The following CSMD1 variants were observed in gnomAD, a reference collection of about 807,000 sequenced individuals.
The protein encoded by CSMD1 is CUB and sushi domain-containing protein 1.
A neutral mutation model predicts 417.5 loss-of-function variants in CSMD1; 213 were observed. That is an observed-to-expected ratio of 0.51 (90% CI 0.46 to 0.57). CSMD1 has a LOEUF of 0.57. Ranked by LOEUF, CSMD1 falls within the 20% of genes least tolerant of loss-of-function variation. The pLI, the probability that CSMD1 is intolerant of heterozygous loss-of-function variation, is 0.00. For synonymous variants in CSMD1, 2,862 were observed against 1,736.8 expected (o/e 1.65, Z -16.11); for missense variants, 6,923 against 4,529.7 (o/e 1.53, Z -15.17).
At chr8:3,976,140 T>C (rs892005540) in intron 5 of CSMD1, among the ~76,000 whole-genome samples, 4 of 152,130 alleles carry the variant, frequency 2.6e-5, no homozygotes, top group Non-Finnish European at 5.9e-5. Flanking sequence ...GTAGAAATTC[T>C]ACACCAAGAA....
chr8:3,014,421 G>T lies in CSMD1; in HGVS notation c.8029+4056C>A, dbSNP rs187986088. ...GCTAGCTTCTTTTCCTGCTTTTCCT[G>T]TTGTGAGAACAATCACACTGGATAT... On this transcript the variant is annotated intron_variant, in intron 52 of 69. Transcript: ENST00000635120. 8.4e-3 allele frequency among the ~76,000 whole-genome samples: 1,271 copies of T among 152,064 alleles called. 12 individuals are homozygous for T. Among genetic ancestry groups the T allele is most frequent in the South Asian group, 0.016 (77 of 4,820 alleles).
chr8:4,450,289 T>A (rs543954809), intron 2 of CSMD1, among the ~76,000 whole-genome samples: 1 of 152,332 alleles, frequency 6.6e-6, no homozygotes, highest in South Asian at 2.1e-4. Flanking sequence ...GAGAAAGCTG[T>A]GCACTGTTTG....
At position 3,439,309 on chromosome 8, in the gene CSMD1, A is replaced by ATATATATATTTT; in HGVS notation, c.1561+29402_1561+29403insAAAATATATATA. On this transcript the variant is annotated intron_variant, in intron 12 of 69. Coordinates refer to ENST00000635120, the MANE Select transcript of CSMD1 (RefSeq NM_033225.6). Reference sequence around the variant, plus strand: ...TATATATATATATATATATATATATATTTTTTTTTTTAATATGTATTTTTA... The same window carrying ATATATATATTTT: ...TATATATATATATATATATATATATATATATATATTTTTTTTTTTTTTTAATATGTATTTTTA... Among the ~76,000 whole-genome samples, 158 of 62,386 alleles carry ATATATATATTTT rather than the reference A, an allele frequency of 2.5e-3. 3 individuals are homozygous for ATATATATATTTT. The highest frequency in any genetic ancestry group is 4.6e-3 in the South Asian group (6 of 1,318). 40.9% of individuals were successfully genotyped at this position (62,386 alleles called of 152,430 possible).
chr8:4,863,474 CA>C (rs773336170), intron 1 of CSMD1, among the ~76,000 whole-genome samples: 19 of 152,070 alleles, frequency 1.2e-4, no homozygotes, highest in Non-Finnish European at 2.5e-4. Context: ...AAATTTTATA[CA>C]TATTCTAGTA....
intron 21 of CSMD1, among the ~76,000 whole-genome samples, chr8:3,357,389 T>A (rs1216466148): frequency 6.6e-6 from 1 of 152,204 alleles, no homozygotes; most frequent in African/African-American, 2.4e-5. Context: ...ATCACAGCAT[T>A]TACTTCGTAG....
chr8:3,537,182 T>G (rs1798238864), intron 10 of CSMD1, among the ~76,000 whole-genome samples: 1 of 152,022 alleles, frequency 6.6e-6, no homozygotes, highest in Non-Finnish European at 1.5e-5. Context: ...TTGTTGTATT[T>G]TAAGAGACAG....
chr8:4,307,306 A>G (rs1798302957), intron 3 of CSMD1, among the ~76,000 whole-genome samples: 1 of 152,152 alleles, frequency 6.6e-6, no homozygotes, highest in South Asian at 2.1e-4. Context: ...ATCCCCTAGC[A>G]CAGGCATCAC....
chr8:4,442,308 G>A (rs1248279146), intron 2 of CSMD1, among the ~76,000 whole-genome samples: 1 of 152,036 alleles, frequency 6.6e-6, no homozygotes, highest in Non-Finnish European at 1.5e-5. Flanking sequence ...GAAAAGAAAT[G>A]AACACAAAGT....
At chr8:3,250,605 C>G (rs971169783) in intron 26 of CSMD1, among the ~76,000 whole-genome samples, 3 of 152,176 alleles carry the variant, frequency 2.0e-5, no homozygotes, top group Non-Finnish European at 4.4e-5. Flanking sequence ...AATGGTATTT[C>G]TAGTTCTAGG....
chr8:4,708,669 G>A lies in CSMD1; in HGVS notation c.86-71111C>T, dbSNP rs575776665. Among the ~76,000 whole-genome samples the A allele has an allele frequency of 4.6e-5, 7 of 150,896 alleles. No homozygotes were observed. In the East Asian group the frequency reaches 1.4e-3, roughly 30 times the overall value. On this transcript the variant is annotated intron_variant, in intron 1 of 69. Transcript: ENST00000635120. ...ATCATTATAGACACCATCCTAACCA[G>A]ATTCATTTTTTTTTTTAAGAGAAAG...
intron 1 of CSMD1, among the ~76,000 whole-genome samples, chr8:4,895,763 A>T (rs1804442550): frequency 6.6e-6 from 1 of 152,016 alleles, no homozygotes; most frequent in African/African-American, 2.4e-5. Flanking sequence ...CAAAGATATT[A>T]AACTTTACCA....
rs540126049 is a variant in CSMD1 at position 4,266,701 on chromosome 8, G to T, written c.415+153252C>A. On this transcript the variant is annotated intron_variant, in intron 3 of 69. Transcript: ENST00000635120. ...ATACATTATCAAAGAATTATACTTA[G>T]TTTTATACATTATACAAAAATTCTA... 5.0e-3 allele frequency among the ~76,000 whole-genome samples: 524 copies of T among 104,444 alleles called. 75 individuals are homozygous for T. Among genetic ancestry groups the T allele is most frequent in the African/African-American group, 0.013 (504 of 38,394 alleles). 68.5% of individuals were successfully genotyped at this position (104,444 alleles called of 152,430 possible).
intron 53 of CSMD1, among the ~76,000 whole-genome samples, chr8:2,999,400 T>A (rs1431452250): frequency 1.3e-5 from 2 of 152,134 alleles, no homozygotes; most frequent in Non-Finnish European, 2.9e-5. Flanking sequence ...GTGATCCACC[T>A]GCCTCAGCCT....
At chr8:4,549,928 A>C (rs1185636900) in intron 2 of CSMD1, among the ~76,000 whole-genome samples, 76 of 150,436 alleles carry the variant, frequency 5.1e-4, no homozygotes, top group Non-Finnish European at 9.0e-4. Context: ...AAAGAAAAGA[A>C]AAGACATTAC....
In CSMD1 at chr8:2,965,761, G is replaced by T. The variant is rs376143122; in HGVS notation, c.9280+14C>A. 2.1e-5 allele frequency: 34 copies of T among 1,588,336 alleles called. No individual in the cohort carries two copies. In the Middle Eastern group the frequency reaches 8.3e-4, roughly 39 times the overall value. On this transcript the variant is annotated intron_variant, in intron 59 of 69. Transcript: ENST00000635120. ...TATACACATCTGTAAAATCCAAAGA[G>T]TCACCAAACAAACCTTTGCAGACAG...
At position 4,787,713 on chromosome 8, in the gene CSMD1, CAAT is replaced by C. The variant is rs1797480636; in HGVS notation, c.86-150158_86-150156del. 4 of 1,589,956 alleles carry C rather than the reference CAAT, an allele frequency of 2.5e-6. No individual in the cohort carries two copies. In the South Asian group the frequency reaches 4.4e-5, roughly 18 times the overall value. On this transcript the variant is annotated intron_variant, in intron 1 of 69. Coordinates refer to ENST00000635120, the MANE Select transcript of CSMD1 (RefSeq NM_033225.6). ...TGGAGTTGTTTTTCAAGGATGCTGC[CAAT>C]AATGACCCACAGTGGTCTGAGGAAC...
At chr8:3,181,298 G>A (rs934773725) in intron 36 of CSMD1, 84 bp from the exon 37 acceptor site, 3 of 919,308 alleles carry the variant, frequency 3.3e-6, no homozygotes, top group Non-Finnish European at 5.1e-6. Flanking sequence ...ATACTTATTA[G>A]GCTTACAAAT....
chr8:3,505,436 A>G (rs1012072557), intron 10 of CSMD1, among the ~76,000 whole-genome samples: 2 of 152,204 alleles, frequency 1.3e-5, no homozygotes, highest in Non-Finnish European at 2.9e-5. Context: ...ATAATTAGAA[A>G]AATAATGGAA....
chr8:3,609,808 TC>T (rs1296508534), intron 8 of CSMD1, among the ~76,000 whole-genome samples: 10 of 124,076 alleles, frequency 8.1e-5, no homozygotes, highest in African/African-American at 2.6e-4. Flanking sequence ...AAAAGTATCT[TC>T]CCTTTTTTTT....
Sources: gnomAD v4.1 joint callset for allele counts (sites outside exome capture counted in the v4.1 genomes callset) on GRCh38, gnomAD v4.1.1 for gene constraint, MANE v1.5 for transcripts, NCBI Gene and HGNC (gene_info 2026-07-23, HGNC 2026-07-21) for gene names.